Variants in NRXN1 observed in about 807,000 individuals in gnomAD.
The protein encoded by NRXN1 is neurexin 1, also known as neurexin-1.
Under a neutral mutation model 150.9 loss-of-function variants are expected in NRXN1, and 39 were observed. The ratio of observed to expected loss-of-function variants is 0.26; its 90% CI spans 0.20 to 0.34. NRXN1 has a LOEUF of 0.34. NRXN1 is among the 10% of genes least tolerant of loss of function. The pLI is 1.00. For synonymous variants in NRXN1, 924 were observed against 757.0 expected (o/e 1.22, Z -3.62); for missense variants, 1,815 against 1,949.9 (o/e 0.93, Z 1.30).
chr2:50,170,628 T>C (rs2059970623), intron 18 of NRXN1, among the ~76,000 whole-genome samples: 1 of 152,158 alleles, frequency 6.6e-6, no homozygotes, highest in Non-Finnish European at 1.5e-5. Context: ...TCATCATTCA[T>C]ATTTTATATT....
At chr2:50,954,805 T>G (rs1461822300) in intron 2 of NRXN1, among the ~76,000 whole-genome samples, 2 of 152,184 alleles carry the variant, frequency 1.3e-5, no homozygotes, top group Non-Finnish European at 2.9e-5. Flanking sequence ...ACGTCCTTAT[T>G]ACTAAAACCA....
At chr2:50,277,752 T>G (rs1250874464) in intron 17 of NRXN1, among the ~76,000 whole-genome samples, 1 of 152,110 alleles carries the variant, frequency 6.6e-6, no homozygotes, top group Non-Finnish European at 1.5e-5. Flanking sequence ...GCTTTGTGTC[T>G]GTTTATACAA....
intron 18 of NRXN1, among the ~76,000 whole-genome samples, chr2:50,173,135 G>A (rs1191232868): frequency 6.6e-6 from 1 of 152,108 alleles, no homozygotes; most frequent in Non-Finnish European, 1.5e-5. Context: ...GAACTGTCAG[G>A]ACAAACTCTT....
At chr2:50,104,648 A>T (rs1323160083) in intron 18 of NRXN1, among the ~76,000 whole-genome samples, 1 of 151,972 alleles carries the variant, frequency 6.6e-6, no homozygotes, top group Non-Finnish European at 1.5e-5. Flanking sequence ...AATATATATG[A>T]TTATTTTCAT....
At chr2:50,588,663 A>G (rs374952827) in intron 8 of NRXN1, 7 of 152,174 alleles carry the variant, frequency 4.6e-5, no homozygotes, top group African/African-American at 1.7e-4. Flanking sequence ...CAGATTAATT[A>G]GAAATTAGTT....
At chr2:50,884,325 A>C (rs971170911) in intron 5 of NRXN1, among the ~76,000 whole-genome samples, 12 of 151,794 alleles carry the variant, frequency 7.9e-5, no homozygotes, top group African/African-American at 2.9e-4. Context: ...TTGTCAATTT[A>C]GTTTTTTAGC....
intron 5 of NRXN1, among the ~76,000 whole-genome samples, chr2:50,653,547 AT>A (rs1339111163): frequency 3.3e-5 from 5 of 152,086 alleles, no homozygotes. Flanking sequence ...CAACTCTTAA[AT>A]TATTTATGGA....
chr2:50,200,133 G>C (rs966594663), intron 18 of NRXN1, among the ~76,000 whole-genome samples: 1 of 151,948 alleles, frequency 6.6e-6, no homozygotes, highest in Non-Finnish European at 1.5e-5. Flanking sequence ...TAAATATTTT[G>C]ATTCAGCAAT....
At chr2:49,996,359 T>A (rs1365291050) in intron 21 of NRXN1, among the ~76,000 whole-genome samples, 1 of 152,162 alleles carries the variant, frequency 6.6e-6, no homozygotes, top group Admixed American at 6.5e-5. Flanking sequence ...TAGCATGGTG[T>A]ACCCACAAAT....
intron 5 of NRXN1, among the ~76,000 whole-genome samples, chr2:50,734,055 T>C (rs1057305296): frequency 1.3e-5 from 2 of 152,076 alleles, no homozygotes; most frequent in Admixed American, 1.3e-4. Flanking sequence ...CCAAGGGACA[T>C]TTGACAACAT....
chr2:50,825,783 C>T (rs1196476875), intron 5 of NRXN1, among the ~76,000 whole-genome samples: 9 of 152,134 alleles, frequency 5.9e-5, no homozygotes, highest in Non-Finnish European at 2.9e-5. Context: ...GGAAGTCGGT[C>T]GGGAGGCACT....
intron 18 of NRXN1, among the ~76,000 whole-genome samples, chr2:50,139,810 GA>G (rs1707006077): frequency 1.3e-5 from 2 of 152,084 alleles, no homozygotes; most frequent in Admixed American, 6.6e-5. Flanking sequence ...CAAATCGACA[GA>G]AAAGAGTCAT....
At chr2:50,885,820 A>AACACAC (rs57614861) in intron 5 of NRXN1, among the ~76,000 whole-genome samples, 3,776 of 143,788 alleles carry the variant, frequency 0.026, 95 homozygotes, top group African/African-American at 0.066. Flanking sequence ...TATTTCTATA[A>AACACAC]ACACACACAC....
intron 17 of NRXN1, among the ~76,000 whole-genome samples, chr2:50,317,900 A>G (rs1259009068): frequency 1.3e-5 from 2 of 152,044 alleles, no homozygotes; most frequent in East Asian, 3.9e-4. Context: ...TCAGCTATTC[A>G]TGTTTTATAT....
chr2:50,078,980 T>C (rs549868661), intron 19 of NRXN1, among the ~76,000 whole-genome samples: 2 of 152,218 alleles, frequency 1.3e-5, no homozygotes, highest in South Asian at 4.1e-4. Context: ...AATTTTTACA[T>C]TGGGATTCTA....
chr2:50,009,508 C>G (rs2152543289), intron 21 of NRXN1, among the ~76,000 whole-genome samples: 1 of 152,230 alleles, frequency 6.6e-6, no homozygotes, highest in East Asian at 1.9e-4. Flanking sequence ...TCCTCAGTGG[C>G]TTTCATATGA....
intron 22 of NRXN1, among the ~76,000 whole-genome samples, chr2:49,925,104 A>G (rs1368114807): frequency 6.6e-6 from 1 of 152,000 alleles, no homozygotes; most frequent in East Asian, 1.9e-4. Context: ...ATTTTGGCCA[A>G]CATGGTGAAA....
At chr2:50,574,237 A>C (rs1299152830) in intron 8 of NRXN1, among the ~76,000 whole-genome samples, 4 of 152,182 alleles carry the variant, frequency 2.6e-5, no homozygotes, top group African/African-American at 7.2e-5. Context: ...AATGCCATCT[A>C]ACCAATAGAA....
At chr2:50,532,199 CT>C (rs1242946883) in intron 10 of NRXN1, among the ~76,000 whole-genome samples, 1 of 152,006 alleles carries the variant, frequency 6.6e-6, no homozygotes, top group Non-Finnish European at 1.5e-5. Flanking sequence ...ATTAGTCAAC[CT>C]TGCCTTGGCT....
Sources: gnomAD v4.1 joint callset for allele counts (sites outside exome capture counted in the v4.1 genomes callset) on GRCh38, gnomAD v4.1.1 for gene constraint, MANE v1.5 for transcripts, NCBI Gene and HGNC (gene_info 2026-07-23, HGNC 2026-07-21) for gene names.